Variants in TUNAR observed in about 807,000 individuals in gnomAD.
The protein encoded by TUNAR is protein TUNAR.
rs1273753123 is a variant in TUNAR, at chr14:95,924,087, C to T, written c.*1121C>T. 7 of 152,114 alleles carry T rather than the reference C, an allele frequency of 4.6e-5. No individual in the cohort carries two copies. In the East Asian group the frequency reaches 9.6e-4, roughly 21 times the overall value. 9.4% of individuals were successfully genotyped at this position (152,114 alleles called of 1,614,324 possible). ...GATTTTGATTTTAGCGGTCATGTAC[C>T]GCGAGAGTTGGGAAGAACAAGGGGG... On this transcript the variant is annotated 3_prime_UTR_variant, in exon 3 of 3. Coordinates refer to ENST00000678517, the Ensembl canonical transcript of TUNAR.
At chr14:95,919,282 A>G (rs1439332127) in intron 2 of TUNAR, among the ~76,000 whole-genome samples, 1 of 152,254 alleles carries the variant, frequency 6.6e-6, no homozygotes, top group African/African-American at 2.4e-5. Flanking sequence ...TGTGCCCGGC[A>G]GCTCCTCTTC....
chr14:95,890,463 G>A (rs1356959757), intron 2 of TUNAR, among the ~76,000 whole-genome samples: 2 of 152,190 alleles, frequency 1.3e-5, no homozygotes, highest in Non-Finnish European at 2.9e-5. Context: ...GAGTGGCCTG[G>A]CTTGGTGAGG....
intron 2 of TUNAR, among the ~76,000 whole-genome samples, chr14:95,916,926 A>G (rs1889615267): frequency 6.6e-6 from 1 of 152,240 alleles, no homozygotes; most frequent in South Asian, 2.1e-4. Flanking sequence ...ATGCCTGGAC[A>G]TGGTTTTGCC....
chr14:95,904,823 A>C (rs778766845), intron 2 of TUNAR, among the ~76,000 whole-genome samples: 5 of 152,192 alleles, frequency 3.3e-5, no homozygotes, highest in Non-Finnish European at 7.4e-5. Context: ...GCCTGAGTTT[A>C]TATCCTCTTC....
chr14:95,922,600 G>A lies in TUNAR; in HGVS notation c.13-181G>A, dbSNP rs759780840. Among the ~76,000 whole-genome samples the A allele has an allele frequency of 4.6e-5, 7 of 152,142 alleles. No individual in the cohort carries two copies. The East Asian group carries it at 5.8e-4, about 13-fold the overall frequency. Reference sequence around the variant, plus strand: ...CACTCATCTTCTAAACCAATTAGCCGTGTTCTGCCTTTTTCCCATGGCCAA... The same window carrying A: ...CACTCATCTTCTAAACCAATTAGCCATGTTCTGCCTTTTTCCCATGGCCAA... On this transcript the variant is annotated intron_variant, in intron 2 of 2. Coordinates refer to ENST00000678517, the Ensembl canonical transcript of TUNAR.
chr14:95,920,849 ATATATATAGG>A (rs1383527441), intron 2 of TUNAR, among the ~76,000 whole-genome samples: 4 of 152,172 alleles, frequency 2.6e-5, no homozygotes, highest in Non-Finnish European at 5.9e-5. Context: ...AACTGGTAAG[ATATATATAGG>A]TGTATATAAA....
At chr14:95,890,942 G>T (rs570869016) in intron 2 of TUNAR, among the ~76,000 whole-genome samples, 6 of 152,128 alleles carry the variant, frequency 3.9e-5, no homozygotes, top group Admixed American at 3.3e-4. Flanking sequence ...CACAGCACTC[G>T]GAGTCCTCAG....
chr14:95,884,716 C>T (rs1889045061), intron 2 of TUNAR, among the ~76,000 whole-genome samples: 1 of 152,202 alleles, frequency 6.6e-6, no homozygotes, highest in Non-Finnish European at 1.5e-5. Flanking sequence ...GATCCCAGGG[C>T]CCTGTCATCC....
intron 2 of TUNAR, among the ~76,000 whole-genome samples, chr14:95,913,088 G>A (rs1045715277): frequency 2.0e-4 from 28 of 143,534 alleles, no homozygotes; most frequent in African/African-American, 7.3e-4. Flanking sequence ...ACCGCGCCTA[G>A]CCGGGCATCT....
At chr14:95,888,814 G>GT (rs1889120738) in intron 2 of TUNAR, among the ~76,000 whole-genome samples, 1 of 152,070 alleles carries the variant, frequency 6.6e-6, no homozygotes, top group Admixed American at 6.6e-5. Context: ...GGATGGGGGG[G>GT]GCAGTTAGAC....
intron 2 of TUNAR, among the ~76,000 whole-genome samples, chr14:95,915,129 CTG>C (rs1474044585): frequency 6.6e-6 from 1 of 152,168 alleles, no homozygotes; most frequent in African/African-American, 2.4e-5. Context: ...TTGGTTAGCA[CTG>C]TGTGTTCTAG....
intron 2 of TUNAR, among the ~76,000 whole-genome samples, chr14:95,877,998 C>T (rs554787196): frequency 1.2e-3 from 188 of 152,382 alleles, no homozygotes; most frequent in African/African-American, 4.1e-3. Context: ...GGCCTCAGAA[C>T]TGCATCCTTA....
intron 2 of TUNAR, among the ~76,000 whole-genome samples, chr14:95,886,225 C>T (rs1294270399): frequency 6.6e-6 from 1 of 152,200 alleles, no homozygotes; most frequent in Non-Finnish European, 1.5e-5. Context: ...CCCTGAGCTT[C>T]CCCCAGCAGT....
chr14:95,915,051 C>T (rs1365980542), intron 2 of TUNAR, among the ~76,000 whole-genome samples: 5 of 152,138 alleles, frequency 3.3e-5, no homozygotes, highest in East Asian at 1.9e-4. Context: ...ACTGAGCTGT[C>T]GGCAGGTAGA....
At chr14:95,918,311 A>G (rs1196094829) in intron 2 of TUNAR, among the ~76,000 whole-genome samples, 1 of 152,148 alleles carries the variant, frequency 6.6e-6, no homozygotes, top group Non-Finnish European at 1.5e-5. Context: ...TTATTATTAT[A>G]CTTGTTGCTT....
At chr14:95,907,401 G>A (rs1256140864) in intron 2 of TUNAR, among the ~76,000 whole-genome samples, 1 of 152,218 alleles carries the variant, frequency 6.6e-6, no homozygotes, top group Non-Finnish European at 1.5e-5. Flanking sequence ...TTGCCTTCAA[G>A]GGTTGGAAAA....
chr14:95,895,819 C>G lies in TUNAR; in HGVS notation c.12+18642C>G, dbSNP rs981530533. 2 of 152,372 alleles carry G rather than the reference C, an allele frequency of 1.3e-5. No homozygotes were observed. Among genetic ancestry groups the G allele is most frequent in the African/African-American group, 4.8e-5 (2 of 41,442 alleles). The allele number at this position is 152,372 out of a possible 1,614,324, so 9.4% of individuals were successfully genotyped here. A position where few individuals can be genotyped will look rare whatever the true frequency, so the allele number is the denominator to read the frequency against. On this transcript the variant is annotated intron_variant, in intron 2 of 2. Coordinates refer to ENST00000678517, the Ensembl canonical transcript of TUNAR. This position sits in a 1 kb window ranked among gnomAD's most constrained non-coding sequence, Gnocchi z 4.5. ...TTCTCTTCCTCCTTCAGATCTCAGC[C>G]CGCTGTCGCCTTCTCTCTGACCCTG...
chr14:95,902,481 G>A (rs941782), intron 2 of TUNAR, among the ~76,000 whole-genome samples: 9,904 of 152,252 alleles, frequency 0.065, 1,047 homozygotes, highest in African/African-American at 0.22. Context: ...GATGGGTGCA[G>A]CCCGCCAAAG....
intron 2 of TUNAR, among the ~76,000 whole-genome samples, chr14:95,917,098 T>C (rs192026715): frequency 2.0e-5 from 3 of 152,346 alleles, no homozygotes; most frequent in Admixed American, 6.5e-5. Flanking sequence ...TAATTTTCCT[T>C]ATAGTTTGAG....
Sources: allele counts gnomAD v4.1 joint callset (sites outside exome capture counted in the v4.1 genomes callset), GRCh38; gene constraint gnomAD v4.1.1; non-coding constraint Gnocchi (gnomAD v3.1); transcripts MANE v1.5; gene names NCBI Gene and HGNC (gene_info 2026-07-23, HGNC 2026-07-21).